Variants in ANXA3 observed in about 807,000 individuals in gnomAD.
ANXA3 encodes 35-alpha calcimedin.
Under a neutral mutation model 48.8 loss-of-function variants are expected in ANXA3, and 46 were observed. The ratio of observed to expected loss-of-function variants is 0.94; its 90% CI spans 0.74 to 1.21. The LOEUF (loss-of-function observed/expected upper bound fraction) is 1.21. ANXA3 is among the 50% of genes most tolerant of loss of function. The pLI, the probability that ANXA3 is intolerant of heterozygous loss-of-function variation, is 0.00. For synonymous variants in ANXA3, 128 were observed against 134.7 expected (o/e 0.95, Z 0.35); for missense variants, 383 against 378.6 (o/e 1.01, Z -0.10).
chr4:78,582,847 TA>T (rs1317509125), intron 5 of ANXA3, among the ~76,000 whole-genome samples: 1 of 152,234 alleles, frequency 6.6e-6, no homozygotes, highest in Non-Finnish European at 1.5e-5. Context: ...TAATTTATTT[TA>T]AAAATCAGAT....
At chr4:78,602,069 G>A (rs1723555057) in intron 11 of ANXA3, 1 of 152,240 alleles carries the variant, frequency 6.6e-6, no homozygotes, top group South Asian at 2.1e-4. Context: ...GTGAAACCCT[G>A]TCTCTACTAA....
Position 78,571,542 on chromosome 4 carries a change from T to A in ANXA3, c.16-1638T>A, listed in dbSNP as rs560493115. 1.2e-4 allele frequency among the ~76,000 whole-genome samples: 19 copies of A among 152,328 alleles called. No homozygotes were observed. In the East Asian group the frequency reaches 3.7e-3, roughly 29 times the overall value. ...ATTCACTTTAATGTGACAGATAATGTCCTTTCATGAAAATATTAAACCCTT... is the reference window on the plus strand; with the variant it reads ...ATTCACTTTAATGTGACAGATAATGACCTTTCATGAAAATATTAAACCCTT... On this transcript the variant is annotated intron_variant, in intron 2 of 12. Coordinates refer to ENST00000264908, the MANE Select transcript of ANXA3 (RefSeq NM_005139.3).
chr4:78,595,471 C>T, intron 8 of ANXA3, 34 bp downstream of exon 8: 1 of 1,606,160 alleles, frequency 6.2e-7, no homozygotes, highest in Middle Eastern at 1.7e-4. Context: ...TTTCCTTTAC[C>T]TATTCTCCTA....
At chr4:78,587,933 A>G (rs1723211163) in intron 6 of ANXA3, among the ~76,000 whole-genome samples, 1 of 152,156 alleles carries the variant, frequency 6.6e-6, no homozygotes, top group Non-Finnish European at 1.5e-5. Flanking sequence ...CTCTACTAAA[A>G]AATACAAAAA....
chr4:78,560,458 A>C (rs1428979820), intron 2 of ANXA3, among the ~76,000 whole-genome samples: 1 of 152,164 alleles, frequency 6.6e-6, no homozygotes, highest in Non-Finnish European at 1.5e-5. Flanking sequence ...AAGCTCTGGA[A>C]GGGTCCTGGA....
intron 2 of ANXA3, among the ~76,000 whole-genome samples, chr4:78,558,115 T>G (rs1201716083): frequency 1.3e-5 from 2 of 152,238 alleles, no homozygotes; most frequent in African/African-American, 2.4e-5. Context: ...GAGCCCAGTA[T>G]GTTAAGTGAA....
intron 5 of ANXA3, among the ~76,000 whole-genome samples, chr4:78,585,402 G>A (rs948286119): frequency 1.3e-5 from 2 of 152,114 alleles, no homozygotes; most frequent in African/African-American, 4.8e-5. Flanking sequence ...TTCATTCCAG[G>A]CAACTCAAAA....
At chr4:78,557,983 C>A (rs991152131) in intron 2 of ANXA3, among the ~76,000 whole-genome samples, 2 of 152,152 alleles carry the variant, frequency 1.3e-5, no homozygotes, top group African/African-American at 4.8e-5. Context: ...TTTCCATTGA[C>A]AGAAGAATGA....
intron 2 of ANXA3, among the ~76,000 whole-genome samples, chr4:78,571,947 C>T (rs1197479552): frequency 1.3e-5 from 2 of 152,148 alleles, no homozygotes; most frequent in Admixed American, 6.5e-5. Flanking sequence ...TTAAACAAAG[C>T]TTAAGAACAG....
intron 3 of ANXA3, among the ~76,000 whole-genome samples, chr4:78,578,347 G>A (rs1723004131): frequency 1.6e-5 from 2 of 124,000 alleles, no homozygotes; most frequent in East Asian, 3.0e-4. Flanking sequence ...GGGAGGGAGG[G>A]AGGGAAGGAG....
chr4:78,574,605 T>G (rs548970965), intron 3 of ANXA3, among the ~76,000 whole-genome samples: 2 of 152,364 alleles, frequency 1.3e-5, no homozygotes, highest in South Asian at 4.1e-4. Context: ...CAGCATAAAA[T>G]GAAATCATAC....
chr4:78,594,761 T>G (rs981699004), intron 7 of ANXA3, among the ~76,000 whole-genome samples: 1 of 152,230 alleles, frequency 6.6e-6, no homozygotes, highest in Non-Finnish European at 1.5e-5. Context: ...CTTTATGTAT[T>G]TTGGATACAA....
At chr4:78,573,329 A>G in intron 3 of ANXA3, 62 bp downstream of exon 3, 1 of 1,288,582 alleles carries the variant, frequency 7.8e-7, no homozygotes, top group Non-Finnish European at 1.1e-6. Flanking sequence ...TTACAATCTA[A>G]AAGTTCAGTT....
intron 2 of ANXA3, among the ~76,000 whole-genome samples, chr4:78,566,180 A>G (rs1463371204): frequency 6.6e-6 from 1 of 152,136 alleles, no homozygotes; most frequent in African/African-American, 2.4e-5. Flanking sequence ...AAGGCTTCTT[A>G]TTATAACTCA....
chr4:78,569,007 T>TTTA (rs1397362249), intron 2 of ANXA3, among the ~76,000 whole-genome samples: 1 of 152,246 alleles, frequency 6.6e-6, no homozygotes, highest in East Asian at 1.9e-4. Flanking sequence ...ACCTTATAAG[T>TTTA]TTATTGCAAG....
At chr4:78,555,951 A>C (rs1722504693) in intron 2 of ANXA3, among the ~76,000 whole-genome samples, 1 of 152,182 alleles carries the variant, frequency 6.6e-6, no homozygotes, top group Non-Finnish European at 1.5e-5. Flanking sequence ...TTAAAAAAAA[A>C]AAGTAATGTA....
intron 3 of ANXA3, among the ~76,000 whole-genome samples, chr4:78,574,925 A>T (rs2109933249): frequency 6.6e-6 from 1 of 152,360 alleles, no homozygotes; most frequent in East Asian, 1.9e-4. Flanking sequence ...ATCAACTAGA[A>T]ATTTTGCCAT....
intron 2 of ANXA3, among the ~76,000 whole-genome samples, chr4:78,561,515 T>G (rs1242387481): frequency 1.3e-5 from 2 of 152,156 alleles, no homozygotes; most frequent in African/African-American, 4.8e-5. Context: ...TCATACTCCT[T>G]GCTTTGACAC....
chr4:78,574,561 T>C (rs1052526627), intron 3 of ANXA3, among the ~76,000 whole-genome samples: 31 of 152,212 alleles, frequency 2.0e-4, no homozygotes, highest in African/African-American at 7.2e-4. Flanking sequence ...CATAACTACA[T>C]ATACATGTAC....
Sources: gnomAD v4.1 joint callset for allele counts (sites outside exome capture counted in the v4.1 genomes callset) on GRCh38, gnomAD v4.1.1 for gene constraint, MANE v1.5 for transcripts, NCBI Gene and HGNC (gene_info 2026-07-23, HGNC 2026-07-21) for gene names.